POPDC2: variants seen among roughly 807,000 people sequenced by gnomAD.
The protein encoded by POPDC2 is popeye domain cAMP effector 2.
A neutral mutation model predicts 30.5 loss-of-function variants in POPDC2; 24 were observed. The observed-to-expected ratio is 0.79, with a 90% CI of 0.57 to 1.11. The LOEUF (loss-of-function observed/expected upper bound fraction) is 1.11, where lower values mean the gene tolerates loss of function less well. POPDC2 is among the 50% of genes least tolerant of loss of function. The pLI is 0.00. For synonymous variants in POPDC2, 185 were observed against 183.3 expected (o/e 1.01, Z -0.07); for missense variants, 409 against 447.0 (o/e 0.91, Z 0.77).
At chr3:119,657,031 A>G (rs980160971) in intron 1 of POPDC2, among the ~76,000 whole-genome samples, 2 of 152,220 alleles carry the variant, frequency 1.3e-5, no homozygotes, top group African/African-American at 4.8e-5. Context: ...CAGAGGAGAG[A>G]GAAAGATTGG....
Position 119,660,212 on chromosome 3 carries a change from C to T in POPDC2, c.212G>A (p.Ser71Asn). ...YLCCVLWGWF[S>N]ACGLDIVLWS... Reference sequence around the variant, plus strand: ...AAGAACAATGTCCAGGCCACAGGCACTGAACCAGCCCCACAGCACGCAGCA... The same window carrying T: ...AAGAACAATGTCCAGGCCACAGGCATTGAACCAGCCCCACAGCACGCAGCA... The change falls in exon 1 of 4, where the codon AGT becomes AAT. Residue 71 changes from serine (S) to asparagine (N), a missense_variant. Physicochemically the swap from Ser to Asn is conservative, Grantham distance 46. Coordinates refer to ENST00000493094, the MANE Select transcript of POPDC2 (RefSeq NM_001369919.2). 2 of 1,614,216 alleles carry T rather than the reference C, an allele frequency of 1.2e-6. No homozygotes were observed.
intron 2 of POPDC2, among the ~76,000 whole-genome samples, chr3:119,653,400 T>G (rs1460544445): frequency 1.3e-5 from 2 of 151,604 alleles, no homozygotes; most frequent in African/African-American, 4.8e-5. Flanking sequence ...GCCAGGAACC[T>G]GCATTGGAGC....
chr3:119,658,171 T>C (rs2107824451), intron 1 of POPDC2, among the ~76,000 whole-genome samples: 1 of 152,298 alleles, frequency 6.6e-6, no homozygotes, highest in East Asian at 1.9e-4. Flanking sequence ...TCAGTGATTC[T>C]CCTTTAAAAC....
In POPDC2 at chr3:119,653,570, C is replaced by A. The variant is rs562953471; in HGVS notation, c.600+935G>T. On this transcript the variant is annotated intron_variant, in intron 2 of 3. Coordinates refer to ENST00000493094, the MANE Select transcript of POPDC2 (RefSeq NM_001369919.2). ...TCGGCTCACTGCAAGCTCCGCCTCC[C>A]GGGTTCACGCCATTCTCCTGCCTCA... is the stretch of plus-strand genomic sequence containing the variant. 5.3e-5 allele frequency among the ~76,000 whole-genome samples: 8 copies of A among 152,004 alleles called. No individual in the cohort carries two copies. In the East Asian group the frequency reaches 1.5e-3, roughly 29 times the overall value.
At chr3:119,657,274 A>G (rs1213193531) in intron 1 of POPDC2, among the ~76,000 whole-genome samples, 2 of 152,184 alleles carry the variant, frequency 1.3e-5, no homozygotes, top group African/African-American at 2.4e-5. Context: ...CCTGGCTGCT[A>G]GGCATAGGCA....
Position 119,654,345 on chromosome 3 carries a change from G to A in POPDC2, c.600+160C>T, listed in dbSNP as rs180707552. On this transcript the variant is annotated intron_variant, in intron 2 of 3. Transcript: ENST00000493094. ...CCTACCCTACCTCACCTATGGCTAG[G>A]AGCCCAGGAACTCTTTTCAGAGGAA... Among the ~76,000 whole-genome samples the A allele has an allele frequency of 1.1e-3, 164 of 152,296 alleles. 1 individual carries two copies. Among genetic ancestry groups the A allele is most frequent in the African/African-American group, 3.8e-3 (157 of 41,552 alleles).
At chr3:119,644,345 G>C (rs1391063345) in intron 3 of POPDC2, among the ~76,000 whole-genome samples, 1 of 152,202 alleles carries the variant, frequency 6.6e-6, no homozygotes, top group Non-Finnish European at 1.5e-5. Context: ...TAGAAGATAA[G>C]TCCCTCATTC....
intron 1 of POPDC2, among the ~76,000 whole-genome samples, chr3:119,657,005 T>C (rs114472428): frequency 0.02 from 3,057 of 152,330 alleles, 42 homozygotes; most frequent in Middle Eastern, 0.071. Context: ...TGATAGGTGC[T>C]ATTGTGGAAC....
upstream of POPDC2, chr3:119,660,776 C>T (rs1466094897): frequency 5.1e-6 from 1 of 196,342 alleles, no homozygotes; most frequent in African/African-American, 2.3e-5. Flanking sequence ...TGGTTCTTAG[C>T]AGAAAAACCT....
intron 3 of POPDC2, among the ~76,000 whole-genome samples, chr3:119,645,566 CAAAA>C (rs201320482): frequency 2.6e-5 from 3 of 115,410 alleles, no homozygotes; most frequent in African/African-American, 3.3e-5. Context: ...CCGTCTCAAA[CAAAA>C]AAAAAAAAAA....
chr3:119,646,326 T>A (rs1370531782), intron 3 of POPDC2, among the ~76,000 whole-genome samples: 1 of 151,350 alleles, frequency 6.6e-6, no homozygotes, highest in East Asian at 1.9e-4. Flanking sequence ...ACATAGAAAA[T>A]GGACACTTAA....
At chr3:119,648,036 C>G (rs484809) in intron 3 of POPDC2, 83 bp downstream of exon 3, 3 of 1,129,384 alleles carry the variant, frequency 2.7e-6, no homozygotes, top group Non-Finnish European at 3.6e-6. Context: ...AAATGTTCCA[C>G]GAATGATTTT....
intron 2 of POPDC2, among the ~76,000 whole-genome samples, chr3:119,650,357 G>GA (rs367546925): frequency 1.0e-4 from 15 of 150,632 alleles, no homozygotes; most frequent in Middle Eastern, 3.5e-3. Context: ...AACTCATGAA[G>GA]AAAAAAAAAC....
rs571131554 is a variant in POPDC2, at chr3:119,648,461, C to T, written c.808G>A (p.Val270Ile). 77 of 1,614,134 alleles carry T rather than the reference C, an allele frequency of 4.8e-5. 2 individuals carry two copies. The South Asian group carries it at 8.0e-4, about 17-fold the overall frequency. Residue 270 changes from valine to isoleucine, a missense_variant, in exon 3 of 4, where the codon GTC becomes ATC. Coordinates refer to ENST00000493094, the MANE Select transcript of POPDC2 (RefSeq NM_001369919.2). ...GCATCTGCAGCAGTGGGACCCAGGACATGGTAGAGGCTGGGAAGGCGGATG... is the reference window on the plus strand; with the variant it reads ...GCATCTGCAGCAGTGGGACCCAGGATATGGTAGAGGCTGGGAAGGCGGATG... The part of the protein sequence containing the change: ...FDIRLPSLYH[V>I]LGPTAADAGP...
chr3:119,642,715 C>A (rs564603637), intron 3 of POPDC2, among the ~76,000 whole-genome samples, 154 bp from the exon 4 acceptor site: 1 of 152,064 alleles, frequency 6.6e-6, no homozygotes, highest in African/African-American at 2.4e-5. Context: ...GGTGTACCTT[C>A]GAATCATTTC....
chr3:119,651,123 C>T (rs575426318), intron 2 of POPDC2, among the ~76,000 whole-genome samples: 1 of 152,270 alleles, frequency 6.6e-6, no homozygotes, highest in East Asian at 1.9e-4. Context: ...TCCTGCTATT[C>T]CCTCCCCTTC....
Position 119,660,435 on chromosome 3 carries a change from C to T in POPDC2, c.-12G>A, listed in dbSNP as rs2107826824. On this transcript the variant is annotated 5_prime_UTR_variant, in exon 1 of 4. Transcript: ENST00000493094. Reference sequence around the variant, plus strand: ...CTGTTGGCGCTCATCTTTGGGGCCTCTCAAAGCCTCACTGGGCTCTAATAC... The same window carrying T: ...CTGTTGGCGCTCATCTTTGGGGCCTTTCAAAGCCTCACTGGGCTCTAATAC... 2 of 1,604,952 alleles carry T rather than the reference C, an allele frequency of 1.2e-6. No individual in the cohort carries two copies. The highest frequency in any genetic ancestry group is 2.2e-5 in the East Asian group (1 of 44,704).
chr3:119,644,641 G>C (rs1431948420), intron 3 of POPDC2, among the ~76,000 whole-genome samples: 1 of 152,206 alleles, frequency 6.6e-6, no homozygotes, highest in Non-Finnish European at 1.5e-5. Flanking sequence ...TGGTGTGAGA[G>C]ACAAGCACTG....
chr3:119,655,578 C>T (rs2052870223), intron 1 of POPDC2, among the ~76,000 whole-genome samples: 1 of 152,188 alleles, frequency 6.6e-6, no homozygotes, highest in African/African-American at 2.4e-5. Context: ...TTCATGCTTA[C>T]ATTTAACCAC....
Sources: allele counts gnomAD v4.1 joint callset (sites outside exome capture counted in the v4.1 genomes callset), GRCh38; gene constraint gnomAD v4.1.1; transcripts MANE v1.5; gene names NCBI Gene and HGNC (gene_info 2026-07-23, HGNC 2026-07-21).